Variants in MYH11 observed in about 807,000 individuals in gnomAD.
MYH11 encodes the protein myosin-11.
A neutral mutation model predicts 246.6 loss-of-function variants in MYH11; 80 were observed. The observed-to-expected ratio is 0.32, with a 90% confidence interval of 0.27 to 0.39. MYH11 has a LOEUF of 0.39. Ranked by LOEUF, MYH11 falls within the 10% of genes least tolerant of loss-of-function variation. MYH11 has a pLI of 1.00. For missense variants in MYH11, 2,158 were observed against 2,546.8 expected, an observed-to-expected ratio of 0.85 and a Z score of 3.29; for synonymous variants, 1,071 against 1,015.5, an observed-to-expected ratio of 1.05 and a Z score of -1.04.
chr16:15,786,355 G>A (rs1449466894), intron 5 of MYH11: 5 of 581,982 alleles, frequency 8.6e-6, no homozygotes, highest in East Asian at 3.4e-5. Context: ...GAGAAGCCCC[G>A]ACGTGGAGGA....
chr16:15,771,538 C>G, intron 9 of MYH11, 31 bp downstream of exon 9: 1 of 1,611,094 alleles, frequency 6.2e-7, no homozygotes, highest in Non-Finnish European at 8.5e-7. Context: ...TCCAGGCAAG[C>G]TACCCTCCAG....
chr16:15,814,160 A>G (rs2043204913), intron 3 of MYH11, among the ~76,000 whole-genome samples: 1 of 151,810 alleles, frequency 6.6e-6, no homozygotes, highest in South Asian at 2.1e-4. Flanking sequence ...CAAACAAACC[A>G]AAAAGTGTAA....
chr16:15,798,612 AAAAAAAAAAAAC>A lies in MYH11; in HGVS notation c.530+36_530+47del, dbSNP rs767511165. On this transcript the variant is annotated intron_variant, in intron 4 of 40. Coordinates refer to ENST00000300036, the MANE Select transcript of MYH11 (RefSeq NM_002474.3). ...GGTTGGATCTCGACTACAGATTAAA[AAAAAAAAAAAAC>A]AAAAAAAAAACAGAAGAAAAAGCAG... The A allele has an allele frequency of 1.1e-4, 173 of 1,511,292 alleles. No individual in the cohort carries two copies. The African/African-American group carries it at 1.6e-3, about 14-fold the overall frequency. The allele number at this position is 1,511,292 out of a possible 1,614,324, so 93.6% of individuals were successfully genotyped here.
At chr16:15,797,357 G>A (rs564293805) in intron 4 of MYH11, among the ~76,000 whole-genome samples, 89 of 151,936 alleles carry the variant, frequency 5.9e-4, no homozygotes, top group South Asian at 5.4e-3. Context: ...AGACACACAC[G>A]GTTACATTAT....
At chr16:15,854,604 A>C (rs1301827809) in intron 1 of MYH11, among the ~76,000 whole-genome samples, 2 of 152,220 alleles carry the variant, frequency 1.3e-5, no homozygotes, top group African/African-American at 2.4e-5. Context: ...AACATGAGTT[A>C]TTCTCATTAG....
intron 3 of MYH11, among the ~76,000 whole-genome samples, chr16:15,812,939 G>A (rs1435301504): frequency 6.6e-6 from 1 of 152,182 alleles, no homozygotes; most frequent in African/African-American, 2.4e-5. Flanking sequence ...GGCCAAGGTG[G>A]GTGGATCACC....
rs1056033870 is a variant in MYH11, at chr16:15,746,341, G to A, written c.2412-1104C>T. ...ATTGAGAAACGATAGAACAGTGAAC[G>A]TAATTCTGTCTTCCCTGCTTGGCTG... is the stretch of plus-strand genomic sequence containing the variant. On this transcript the variant is annotated intron_variant, in intron 19 of 40. Coordinates refer to ENST00000300036, the MANE Select transcript of MYH11 (RefSeq NM_002474.3). 4.6e-5 allele frequency among the ~76,000 whole-genome samples: 7 copies of A among 152,220 alleles called. No homozygotes were observed. In the East Asian group the frequency reaches 1.4e-3, roughly 29 times the overall value.
intron 10 of MYH11, among the ~76,000 whole-genome samples, chr16:15,760,946 C>CAAGT (rs2041854541): frequency 6.6e-6 from 1 of 152,134 alleles, no homozygotes; most frequent in African/African-American, 2.4e-5. Context: ...TTCACACTTC[C>CAAGT]AAGTCATGTG....
intron 1 of MYH11, among the ~76,000 whole-genome samples, chr16:15,854,169 A>G (rs1209211925): frequency 6.6e-6 from 1 of 152,208 alleles, no homozygotes. Context: ...TTATGAGATC[A>G]AAGGGAAGAA....
intron 6 of MYH11, among the ~76,000 whole-genome samples, chr16:15,780,899 A>C (rs2042338007): frequency 6.6e-6 from 1 of 152,166 alleles, no homozygotes; most frequent in African/African-American, 2.4e-5. Context: ...TCAGCGCTTC[A>C]CTGAGAGTCA....
chr16:15,718,415 C>T lies in MYH11; in HGVS notation c.5195G>A (p.Arg1732His), dbSNP rs1310012347. Residue 1732 changes from arginine to histidine, a missense_variant, in exon 37 of 41, where the codon CGC (arginine) becomes CAC (histidine). This residue lies in a region of MYH11 where 1,013 missense variants were observed against 993.5 expected (regional missense o/e 1.02). Coordinates refer to ENST00000300036, the MANE Select transcript of MYH11 (RefSeq NM_002474.3). The part of the protein sequence containing the change: ...SGRNALQDEK[R>H]RLEARIAQLE... ...CTGGGCGATCCGGGCCTCCAGGCGG[C>T]GCTTCTCGTCCTGGAGTGCGTTCCT... The T allele has an allele frequency of 9.5e-6, 15 of 1,582,612 alleles. No individual in the cohort carries two copies. Among genetic ancestry groups the T allele is most frequent in the Middle Eastern group, 1.8e-4 (1 of 5,462 alleles).
intron 9 of MYH11, among the ~76,000 whole-genome samples, 163 bp from the exon 10 acceptor site, chr16:15,764,054 G>T (rs1487603119): frequency 6.6e-6 from 1 of 152,142 alleles, no homozygotes; most frequent in Non-Finnish European, 1.5e-5. Context: ...TTAAAACCTT[G>T]CATTACAATG....
rs769041740 is a variant in MYH11, at chr16:15,847,296, G to A, written c.-17-9027C>T. ...GACAGGGTCTTGCTCTGTCGCCCAG[G>A]CTGGAGTGCAGTGGCATGACCTCAG... is the stretch of plus-strand genomic sequence containing the variant. On this transcript the variant is annotated intron_variant, in intron 1 of 40. Transcript: ENST00000300036. 7.5e-4 allele frequency among the ~76,000 whole-genome samples: 107 copies of A among 143,296 alleles called. 1 individual carries two copies. The Middle Eastern group carries it at 0.016, about 21-fold the overall frequency. The allele number at this position is 143,296 out of a possible 152,430, so 94.0% of individuals were successfully genotyped here.
chr16:15,845,761 GT>G (rs1214370289), intron 1 of MYH11, among the ~76,000 whole-genome samples: 6 of 151,942 alleles, frequency 3.9e-5, no homozygotes. Context: ...TGGAGGATGC[GT>G]AAGAGAAATG....
In MYH11 at chr16:15,771,611, C is replaced by T. The variant is rs866388665; in HGVS notation, c.991G>A (p.Glu331Lys). 1 of 1,613,998 alleles carries T rather than the reference C, an allele frequency of 6.2e-7. No homozygotes were observed. The highest frequency in any genetic ancestry group is 8.5e-7 in the Non-Finnish European group (1 of 1,180,016). ...QDDEMFQETV[E>K]AMAIMGFSEE... ...CTGAAACCCATGATTGCCATGGCCT[C>T]CACGGTTTCCTGGAACATCTCATCA... is the stretch of plus-strand genomic sequence containing the variant. Residue 331 changes from glutamate to lysine, a missense_variant, in exon 9 of 41, where the codon GAG becomes AAG. Glu to Lys is a moderately conservative substitution (Grantham distance 56, BLOSUM62 1). Coordinates refer to ENST00000300036, the MANE Select transcript of MYH11 (RefSeq NM_002474.3).
chr16:15,716,118 AAAG>A (rs2040118979), intron 38 of MYH11, among the ~76,000 whole-genome samples: 1 of 151,846 alleles, frequency 6.6e-6, no homozygotes, highest in Non-Finnish European at 1.5e-5. Context: ...TAAAAATAAA[AAAG>A]TCTTGCTATG....
At chr16:15,722,065 C>A (rs889910156) in intron 31 of MYH11, among the ~76,000 whole-genome samples, 4 of 152,088 alleles carry the variant, frequency 2.6e-5, no homozygotes, top group Admixed American at 2.6e-4. Flanking sequence ...GCCATGTTGA[C>A]CAGGCTGGTC....
chr16:15,749,305 C>A (rs922312640), intron 16 of MYH11: 9 of 152,020 alleles, frequency 5.9e-5, no homozygotes, highest in Non-Finnish European at 1.3e-4. Flanking sequence ...GTGAGCAACA[C>A]GCCTGGACAC....
intron 3 of MYH11, among the ~76,000 whole-genome samples, chr16:15,818,752 T>C (rs1260539619): frequency 1.3e-4 from 20 of 151,940 alleles, no homozygotes; most frequent in Admixed American, 1.3e-3. Flanking sequence ...ATTTTTGGAG[T>C]CCGCCATCAA....
Sources: gnomAD v4.1 joint callset for allele counts (sites outside exome capture counted in the v4.1 genomes callset) on GRCh38, gnomAD v4.1.1 for gene constraint, gnomAD v4.1.1 regional missense constraint, MANE v1.5 for transcripts, NCBI Gene and HGNC (gene_info 2026-07-23, HGNC 2026-07-21) for gene names.